Variants in SLC4A4 observed in about 807,000 individuals in gnomAD.
The protein encoded by SLC4A4 is solute carrier family 4 member 4.
SLC4A4 carries 27 observed loss-of-function variants against 111.5 expected under a neutral mutation model. That is an observed-to-expected ratio of 0.24 (90% CI 0.18 to 0.33). The LOEUF (loss-of-function observed/expected upper bound fraction) is 0.33. SLC4A4 is among the 10% of genes least tolerant of loss of function. The pLI is 1.00. For missense variants in SLC4A4, 909 were observed against 1,315.5 expected, an observed-to-expected ratio of 0.69 and a Z score of 4.78; for synonymous variants, 443 against 463.4, an observed-to-expected ratio of 0.96 and a Z score of 0.57.
chr4:71,561,231 C>A (rs1736950359), intron 23 of SLC4A4, among the ~76,000 whole-genome samples: 1 of 151,746 alleles, frequency 6.6e-6, no homozygotes, highest in Non-Finnish European at 1.5e-5. Flanking sequence ...GTCTCAATAG[C>A]TTGTTATCAC....
At chr4:71,320,547 G>A (rs1383236624) in intron 3 of SLC4A4, among the ~76,000 whole-genome samples, 1 of 151,994 alleles carries the variant, frequency 6.6e-6, no homozygotes, top group Non-Finnish European at 1.5e-5. Context: ...AAGAGAGGTG[G>A]CAGAGGGATT....
intron 2 of SLC4A4, among the ~76,000 whole-genome samples, chr4:71,145,226 T>C (rs1578521597): frequency 6.6e-6 from 1 of 152,312 alleles, no homozygotes; most frequent in South Asian, 2.1e-4. Context: ...TTGTCTTTGG[T>C]TCGTTTATAT....
At chr4:71,138,348 A>T (rs1001576834) in intron 2 of SLC4A4, among the ~76,000 whole-genome samples, 3 of 152,176 alleles carry the variant, frequency 2.0e-5, no homozygotes, top group African/African-American at 7.2e-5. Flanking sequence ...AAACATGATA[A>T]AGCACAGGTT....
At chr4:71,425,295 C>G (rs1051752951) in intron 7 of SLC4A4, among the ~76,000 whole-genome samples, 1 of 152,088 alleles carries the variant, frequency 6.6e-6, no homozygotes, top group Non-Finnish European at 1.5e-5. Context: ...AAGCAGAACA[C>G]TGGTAAACTA....
chr4:71,238,585 C>T (rs1428759628), intron 2 of SLC4A4, among the ~76,000 whole-genome samples: 1 of 152,130 alleles, frequency 6.6e-6, no homozygotes, highest in African/African-American at 2.4e-5. Context: ...GGCACCTGAG[C>T]TGACTACATT....
chr4:71,296,706 C>T (rs375856737), intron 3 of SLC4A4, among the ~76,000 whole-genome samples: 9 of 152,124 alleles, frequency 5.9e-5, no homozygotes, highest in African/African-American at 2.2e-4. Context: ...GTGTGTTTGG[C>T]ATATTTTTGA....
intron 2 of SLC4A4, among the ~76,000 whole-genome samples, chr4:71,147,665 A>C (rs1744214012): frequency 6.6e-6 from 1 of 152,156 alleles, no homozygotes; most frequent in Non-Finnish European, 1.5e-5. Context: ...GCATTGTGAC[A>C]TGGAACATCA....
intron 1 of SLC4A4, among the ~76,000 whole-genome samples, chr4:71,187,826 C>T (rs1470513394): frequency 6.6e-6 from 1 of 152,102 alleles, no homozygotes; most frequent in Non-Finnish European, 1.5e-5. Context: ...CTAAACCCAT[C>T]ACAGGGGGAG....
chr4:71,540,754 C>T (rs569709744), intron 18 of SLC4A4, among the ~76,000 whole-genome samples: 1 of 152,212 alleles, frequency 6.6e-6, no homozygotes, highest in African/African-American at 2.4e-5. Context: ...TGTCTGCCCT[C>T]AATTAATAAT....
At chr4:71,304,563 G>A (rs1336961100) in intron 3 of SLC4A4, among the ~76,000 whole-genome samples, 1 of 152,182 alleles carries the variant, frequency 6.6e-6, no homozygotes, top group African/African-American at 2.4e-5. Context: ...GGCAAACCTA[G>A]AAATAATGTT....
At chr4:71,469,895 C>A (rs1382584850) in intron 13 of SLC4A4, among the ~76,000 whole-genome samples, 1 of 151,810 alleles carries the variant, frequency 6.6e-6, no homozygotes, top group Admixed American at 6.6e-5. Flanking sequence ...GTATCTTTTC[C>A]TTTGTACCCA....
At chr4:71,339,176 A>C in intron 3 of SLC4A4, 194 bp from the exon 4 acceptor site, 1 of 1,613,842 alleles carries the variant, frequency 6.2e-7, no homozygotes, top group Non-Finnish European at 8.5e-7. Flanking sequence ...ACAGTTCAGA[A>C]CCAAAGGAAT....
At chr4:71,095,430 T>C (rs1742516693) in intron 2 of SLC4A4, among the ~76,000 whole-genome samples, 1 of 152,226 alleles carries the variant, frequency 6.6e-6, no homozygotes, top group African/African-American at 2.4e-5. Flanking sequence ...TCTGATTATT[T>C]AGCAAAAGAG....
At chr4:71,438,883 G>A (rs185309811) in intron 7 of SLC4A4, among the ~76,000 whole-genome samples, 5 of 151,646 alleles carry the variant, frequency 3.3e-5, no homozygotes. Context: ...GTCTTAATAT[G>A]TGTTTACCTA....
At chr4:71,368,462 A>C (rs1293170103) in intron 6 of SLC4A4, among the ~76,000 whole-genome samples, 1 of 145,918 alleles carries the variant, frequency 6.9e-6, no homozygotes, top group Non-Finnish European at 1.6e-5. Flanking sequence ...GGGCTGAAAA[A>C]CAGAGGAAAT....
intron 6 of SLC4A4, among the ~76,000 whole-genome samples, chr4:71,372,010 A>G (rs545608615): frequency 9.2e-5 from 14 of 152,348 alleles, no homozygotes; most frequent in Non-Finnish European, 1.8e-4. Flanking sequence ...TCCTGGTCTG[A>G]TGAATTTGAT....
intron 1 of SLC4A4, among the ~76,000 whole-genome samples, chr4:71,220,509 C>T (rs1173013033): frequency 2.6e-5 from 4 of 151,898 alleles, no homozygotes; most frequent in African/African-American, 9.7e-5. Context: ...CATTATCATA[C>T]CTAATACAAT....
intron 2 of SLC4A4, among the ~76,000 whole-genome samples, chr4:71,147,657 A>C (rs12508165): frequency 0.73 from 111,591 of 152,050 alleles, 42,686 homozygotes; most frequent in Admixed American, 0.84. Flanking sequence ...AATTTATAGC[A>C]TTGTGACATG....
chr4:71,139,513 A>T (rs1186417735), intron 2 of SLC4A4, among the ~76,000 whole-genome samples: 1 of 151,814 alleles, frequency 6.6e-6, no homozygotes, highest in African/African-American at 2.4e-5. Context: ...AATACTTCCG[A>T]CCCTGTGGGC....
Sources: gnomAD v4.1 joint callset for allele counts (sites outside exome capture counted in the v4.1 genomes callset) on GRCh38, gnomAD v4.1.1 for gene constraint, MANE v1.5 for transcripts, NCBI Gene and HGNC (gene_info 2026-07-23, HGNC 2026-07-21) for gene names.